Variants in ELMO1 observed in about 807,000 individuals in gnomAD.
ELMO1 encodes the protein engulfment and cell motility protein 1.
In ELMO1, 26 loss-of-function variants were observed where a neutral mutation model predicts 98.9. The observed-to-expected ratio is 0.26, with a 90% CI of 0.19 to 0.36. ELMO1 has a LOEUF of 0.36. Among genes scored for constraint, ELMO1 ranks in the 10% least tolerant of loss-of-function variants. The pLI is 1.00. For synonymous variants in ELMO1, 346 were observed against 346.0 expected (o/e 1.00, Z 0.00); for missense variants, 627 against 935.2 (o/e 0.67, Z 4.30).
chr7:36,890,534 G>A (rs958478145), intron 17 of ELMO1, among the ~76,000 whole-genome samples: 17 of 152,112 alleles, frequency 1.1e-4, no homozygotes, highest in African/African-American at 1.7e-4. Flanking sequence ...GCCCCAAACC[G>A]TGAGTTCATC....
chr7:37,395,451 T>C (rs1197417071), intron 1 of ELMO1, among the ~76,000 whole-genome samples: 1 of 152,082 alleles, frequency 6.6e-6, no homozygotes, highest in Non-Finnish European at 1.5e-5. Flanking sequence ...CCTAATCATT[T>C]CCAGTAATTC....
chr7:37,373,877 G>A (rs916245612), intron 1 of ELMO1, among the ~76,000 whole-genome samples: 2 of 152,178 alleles, frequency 1.3e-5, no homozygotes, highest in African/African-American at 4.8e-5. Context: ...TAAGGCACCA[G>A]CAAAGCAGGA....
At chr7:36,890,001 A>G (rs1805415732) in intron 17 of ELMO1, among the ~76,000 whole-genome samples, 1 of 152,126 alleles carries the variant, frequency 6.6e-6, no homozygotes, top group Non-Finnish European at 1.5e-5. Flanking sequence ...ATTCATACAC[A>G]TTAAGAAAAC....
At chr7:37,318,041 G>A (rs1184232955) in intron 2 of ELMO1, among the ~76,000 whole-genome samples, 1 of 152,176 alleles carries the variant, frequency 6.6e-6, no homozygotes, top group Admixed American at 6.5e-5. Flanking sequence ...AAAGATGGTG[G>A]GGGTATTCCT....
At position 37,296,838 on chromosome 7, in the gene ELMO1, C is replaced by T. The variant is rs17170979; in HGVS notation, c.192+18012G>A. 9.0e-3 allele frequency among the ~76,000 whole-genome samples: 1,375 copies of T among 152,122 alleles called. 23 individuals carry two copies. The highest frequency in any genetic ancestry group is 0.032 in the African/African-American group (1,319 of 41,460). On this transcript the variant is annotated intron_variant, in intron 4 of 21. Transcript: ENST00000310758. Reference sequence around the variant, plus strand: ...CTTTCTTATAATAAATACTGGAAATCGGGGAAAAGTACTCAAAACTTACAG... The same window carrying T: ...CTTTCTTATAATAAATACTGGAAATTGGGGAAAAGTACTCAAAACTTACAG...
intron 6 of ELMO1, among the ~76,000 whole-genome samples, chr7:37,256,613 A>G (rs969086621): frequency 2.7e-5 from 1 of 37,654 alleles, no homozygotes; most frequent in African/African-American, 1.1e-4. Flanking sequence ...GGAAAAGGGG[A>G]GGGGAGGGCA....
At chr7:36,867,980 C>T (rs928592848) in intron 20 of ELMO1, among the ~76,000 whole-genome samples, 3 of 152,030 alleles carry the variant, frequency 2.0e-5, no homozygotes, top group Admixed American at 6.6e-5. Context: ...TGTATTCTGC[C>T]GTTGCTGAGT....
chr7:37,341,059 G>T (rs1800687491), intron 2 of ELMO1, among the ~76,000 whole-genome samples: 1 of 152,208 alleles, frequency 6.6e-6, no homozygotes, highest in African/African-American at 2.4e-5. Flanking sequence ...GGATACCCTG[G>T]AGATCTTGTT....
chr7:37,011,528 T>C (rs1300198513), intron 16 of ELMO1, among the ~76,000 whole-genome samples: 13 of 152,228 alleles, frequency 8.5e-5, no homozygotes, highest in Non-Finnish European at 1.9e-4. Context: ...TCAACAACAA[T>C]AATATCTGAA....
chr7:37,180,617 T>C (rs1790794096), intron 13 of ELMO1, among the ~76,000 whole-genome samples: 2 of 152,182 alleles, frequency 1.3e-5, no homozygotes, highest in Non-Finnish European at 2.9e-5. Flanking sequence ...GACTGTGGAT[T>C]AGACAATAGA....
At chr7:37,176,593 T>C (rs1790508856) in intron 13 of ELMO1, among the ~76,000 whole-genome samples, 8 of 152,174 alleles carry the variant, frequency 5.3e-5, no homozygotes, top group Admixed American at 5.2e-4. Flanking sequence ...ATAAAAGTAA[T>C]TGTGGTATAA....
chr7:36,932,238 T>A (rs1451381415), intron 16 of ELMO1, among the ~76,000 whole-genome samples: 2 of 152,208 alleles, frequency 1.3e-5, no homozygotes, highest in Admixed American at 1.3e-4. Context: ...TAAGAAGTAT[T>A]AGTTTTCTGT....
At chr7:37,123,419 A>G (rs1412916136) in intron 14 of ELMO1, among the ~76,000 whole-genome samples, 7 of 152,332 alleles carry the variant, frequency 4.6e-5, no homozygotes, top group African/African-American at 1.7e-4. Flanking sequence ...AAGAGAGAAG[A>G]ATCAAATAGA....
At chr7:37,423,667 T>A (rs536048507) in intron 1 of ELMO1, among the ~76,000 whole-genome samples, 18 of 152,278 alleles carry the variant, frequency 1.2e-4, no homozygotes, top group Non-Finnish European at 2.6e-4. Context: ...TTATTTTTTT[T>A]ATATATGTGT....
At chr7:37,200,644 C>T (rs1435930521) in intron 13 of ELMO1, among the ~76,000 whole-genome samples, 1 of 152,122 alleles carries the variant, frequency 6.6e-6, no homozygotes. Context: ...TCATAGGCCA[C>T]CCACTTTCGC....
At chr7:36,966,010 A>G (rs1789399391) in intron 16 of ELMO1, among the ~76,000 whole-genome samples, 1 of 152,210 alleles carries the variant, frequency 6.6e-6, no homozygotes, top group Admixed American at 6.5e-5. Flanking sequence ...AATATACTTC[A>G]TTTATTTTTA....
At chr7:36,983,201 C>G (rs944224255) in intron 16 of ELMO1, among the ~76,000 whole-genome samples, 1 of 152,150 alleles carries the variant, frequency 6.6e-6, no homozygotes, top group Non-Finnish European at 1.5e-5. Context: ...GTAAATTGAC[C>G]CAAATCATAC....
In ELMO1 at chr7:37,136,828, C is replaced by T. The variant is rs140135200; in HGVS notation, c.1087-3594G>A. On this transcript the variant is annotated intron_variant, in intron 13 of 21. Transcript: ENST00000310758. ...TAAAGCATAAATCTCACAATACATA[C>T]ATGTTGTGTATATAACAATAATACA... Among the ~76,000 whole-genome samples the T allele has an allele frequency of 2.3e-3, 346 of 151,560 alleles. 1 individual carries two copies. The highest frequency in any genetic ancestry group is 7.9e-3 in the African/African-American group (326 of 41,404).
At chr7:36,995,004 C>G (rs1466482920) in intron 16 of ELMO1, among the ~76,000 whole-genome samples, 5 of 152,178 alleles carry the variant, frequency 3.3e-5, no homozygotes. Flanking sequence ...CACCACTGCT[C>G]AGACCACACC....
Sources: gnomAD v4.1 joint callset for allele counts (sites outside exome capture counted in the v4.1 genomes callset) on GRCh38, gnomAD v4.1.1 for gene constraint, MANE v1.5 for transcripts, NCBI Gene and HGNC (gene_info 2026-07-23, HGNC 2026-07-21) for gene names.